Variants in LPL observed in about 807,000 individuals in gnomAD.
LPL encodes phospholipase A1.
Under a neutral mutation model 52.2 loss-of-function variants are expected in LPL, and 43 were observed. The ratio of observed to expected loss-of-function variants is 0.82; its 90% confidence interval spans 0.64 to 1.06. The LOEUF (loss-of-function observed/expected upper bound fraction) is 1.06, where lower values mean the gene tolerates loss of function less well. Among genes scored for constraint, LPL ranks in the 50% least tolerant of loss-of-function variants. The pLI is 0.00. For synonymous variants in LPL, 244 were observed against 215.6 expected (o/e 1.13, Z -1.15); for missense variants, 639 against 585.3 (o/e 1.09, Z -0.95).
intron 1 of LPL, among the ~76,000 whole-genome samples, chr8:19,940,708 T>G (rs936429892): frequency 1.3e-5 from 2 of 152,208 alleles, no homozygotes; most frequent in African/African-American, 4.8e-5. Context: ...GCGGTTCAAG[T>G]TATAATAGAG....
chr8:19,952,606 T>TA (rs1160862045), intron 3 of LPL, among the ~76,000 whole-genome samples: 14 of 152,260 alleles, frequency 9.2e-5, no homozygotes, highest in Admixed American at 2.0e-4. Context: ...TAATTGGAAG[T>TA]AAAAAATAAG....
At chr8:19,960,371 G>A (rs897018848) in intron 7 of LPL, among the ~76,000 whole-genome samples, 1 of 152,136 alleles carries the variant, frequency 6.6e-6, no homozygotes, top group African/African-American at 2.4e-5. Context: ...ATCAATTACA[G>A]TCGTACCTAT....
At chr8:19,943,162 C>T (rs1052867363) in intron 1 of LPL, among the ~76,000 whole-genome samples, 1 of 152,190 alleles carries the variant, frequency 6.6e-6, no homozygotes, top group African/African-American at 2.4e-5. Context: ...ATGTTGAAGT[C>T]TCTTTCTATG....
At chr8:19,952,537 AG>A (rs1262812353) in intron 3 of LPL, among the ~76,000 whole-genome samples, 1 of 152,190 alleles carries the variant, frequency 6.6e-6, no homozygotes, top group Non-Finnish European at 1.5e-5. Flanking sequence ...ACCTCTGAAA[AG>A]TATCTTGGGG....
At chr8:19,956,622 G>C (rs912429131) in intron 6 of LPL, among the ~76,000 whole-genome samples, 1 of 152,042 alleles carries the variant, frequency 6.6e-6, no homozygotes, top group Non-Finnish European at 1.5e-5. Flanking sequence ...CCCTCTGGGA[G>C]GCCCCAGTGT....
chr8:19,941,669 T>C (rs990129393), intron 1 of LPL, among the ~76,000 whole-genome samples: 4 of 152,178 alleles, frequency 2.6e-5, no homozygotes, highest in Non-Finnish European at 5.9e-5. Flanking sequence ...ACTCACCCAA[T>C]ATATCATGCC....
At chr8:19,958,314 G>A (rs2070005593) in intron 6 of LPL, among the ~76,000 whole-genome samples, 1 of 152,090 alleles carries the variant, frequency 6.6e-6, no homozygotes, top group African/African-American at 2.4e-5. Flanking sequence ...GAGCCACCAT[G>A]CCTGGCCTCC....
rs1035200925 is a variant in LPL, at chr8:19,939,847, G to T, written c.88+319G>T. On this transcript the variant is annotated intron_variant, in intron 1 of 9. Coordinates refer to ENST00000650287, the MANE Select transcript of LPL (RefSeq NM_000237.3). The surrounding 1 kb of genome is among the most constrained non-coding windows in gnomAD (Gnocchi z 4.0). ...CGCCGGGGAGGTTCCGGGGTGTGGG[G>T]GCCGGGACGGCGGAGGCGGGGAGTA... 2.6e-5 allele frequency among the ~76,000 whole-genome samples: 4 copies of T among 152,210 alleles called. No homozygotes were observed. Among genetic ancestry groups the T allele is most frequent in the African/African-American group, 9.6e-5 (4 of 41,460 alleles).
At chr8:19,959,777 C>CTTTTTTTTGTTTTTTT (rs2070020944) in intron 7 of LPL, among the ~76,000 whole-genome samples, 1 of 65,098 alleles carries the variant, frequency 1.5e-5, no homozygotes, top group Non-Finnish European at 2.8e-5. Context: ...AGTGTTAGCT[C>CTTTTTTTTGTTTTTTT]TTTTTTTTTT....
Position 19,951,787 on chromosome 8 carries a change from A to G in LPL, c.268A>G (p.Ser90Gly), listed in dbSNP as rs753068328. ...HGWTVTGMYE[S>G]WVPKLVAALY... ...TCTTCAGGTAACAGGAATGTATGAGAGTTGGGTGCCAAAACTTGTGGCCGC... is the reference window on the plus strand; with the variant it reads ...TCTTCAGGTAACAGGAATGTATGAGGGTTGGGTGCCAAAACTTGTGGCCGC... Residue 90 changes from serine (S) to glycine (G), a missense_variant, in exon 3 of 10, where the codon AGT (serine) becomes GGT (glycine). Ser to Gly is a moderately conservative substitution (Grantham distance 56, BLOSUM62 0). Coordinates refer to ENST00000650287, the MANE Select transcript of LPL (RefSeq NM_000237.3). 4.3e-6 allele frequency: 7 copies of G among 1,614,196 alleles called. No individual in the cohort carries two copies. In the South Asian group the frequency reaches 4.4e-5, roughly 10 times the overall value.
At chr8:19,948,584 C>T (rs1303310713) in intron 2 of LPL, 11 of 484,982 alleles carry the variant, frequency 2.3e-5, no homozygotes, top group East Asian at 2.1e-4. Flanking sequence ...GCCAGAGCTT[C>T]CTGCGAGGTT....
intron 3 of LPL, 67 bp downstream of exon 3, chr8:19,952,015 T>G: frequency 1.3e-6 from 2 of 1,546,200 alleles, no homozygotes; most frequent in Non-Finnish European, 1.8e-6. Flanking sequence ...GAAAACCGGC[T>G]GTTCTTTCTT....
chr8:19,955,326 A>C (rs1157507218), intron 5 of LPL, among the ~76,000 whole-genome samples: 1 of 152,164 alleles, frequency 6.6e-6, no homozygotes, highest in African/African-American at 2.4e-5. Context: ...CCAACTTTAC[A>C]ATTGGGCTGT....
Position 19,962,149 on chromosome 8 carries a change from T to G in LPL, c.1357T>G (p.Leu453Val). 1 of 1,613,886 alleles carries G rather than the reference T, an allele frequency of 6.2e-7. No homozygotes were observed. The highest frequency in any genetic ancestry group is 8.5e-7 in the Non-Finnish European group (1 of 1,179,816). The change falls in exon 9 of 10, where the codon TTG becomes GTG. Residue 453 changes from leucine (L) to valine (V), a missense_variant. Physicochemically the swap from Leu to Val is conservative, Grantham distance 32. Transcript: ENST00000650287. ...CTGTTCTAGGGAGAAAGTGTCTCAT[T>G]TGCAGAAAGGAAAGGCACCTGCGGT... is the stretch of plus-strand genomic sequence containing the variant. ...IFCSREKVSHLQKGKAPAVFV... is the reference protein window; with the variant it reads ...IFCSREKVSHVQKGKAPAVFV...
rs767027334 is a variant in LPL at position 19,953,354 on chromosome 8, C to T, written c.474C>T (p.Tyr158=). ...YPLDNVHLLG[Y]SLGAHAAGIA... ...TGGACAATGTCCATCTCTTGGGATA[C>T]AGCCTTGGAGCCCATGCTGCTGGCA... is the stretch of plus-strand genomic sequence containing the variant. Residue 158 remains tyrosine, a synonymous_variant, in exon 4 of 10, where the codon TAC becomes TAT. Coordinates refer to ENST00000650287, the MANE Select transcript of LPL (RefSeq NM_000237.3). 26 of 1,613,854 alleles carry T rather than the reference C, an allele frequency of 1.6e-5. No homozygotes were observed. The South Asian group carries it at 2.0e-4, about 12-fold the overall frequency.
At chr8:19,948,080 A>G (rs2069898895) in intron 1 of LPL, 100 bp from the exon 2 acceptor site, 1 of 1,254,932 alleles carries the variant, frequency 8.0e-7, no homozygotes, top group East Asian at 2.3e-5. Context: ...AAACAAAAAT[A>G]GCATCAGCGG....
At position 19,940,860 on chromosome 8, in the gene LPL, G is replaced by A. The variant is rs553678193; in HGVS notation, c.88+1332G>A. 3.3e-5 allele frequency among the ~76,000 whole-genome samples: 5 copies of A among 152,380 alleles called. No homozygotes were observed. The South Asian group carries it at 1.0e-3, about 32-fold the overall frequency. ...AGTCCCAGCACTTCGGGAGGCCGAG[G>A]CCGGAAGACAGCTTGAGCCCAGAAG... On this transcript the variant is annotated intron_variant, in intron 1 of 9. Coordinates refer to ENST00000650287, the MANE Select transcript of LPL (RefSeq NM_000237.3).
At chr8:19,947,566 G>T (rs2069891944) in intron 1 of LPL, among the ~76,000 whole-genome samples, 1 of 151,976 alleles carries the variant, frequency 6.6e-6, no homozygotes. Context: ...TGAGTTCGAG[G>T]GTGCAGTGAA....
chr8:19,948,024 T>A (rs1380138082), intron 1 of LPL, among the ~76,000 whole-genome samples, 156 bp from the exon 2 acceptor site: 2 of 152,162 alleles, frequency 1.3e-5, no homozygotes, highest in Non-Finnish European at 1.5e-5. Flanking sequence ...CGTTGGAGCA[T>A]CTGTTGTTCT....
Sources: allele counts gnomAD v4.1 joint callset (sites outside exome capture counted in the v4.1 genomes callset), GRCh38; gene constraint gnomAD v4.1.1; non-coding constraint Gnocchi (gnomAD v3.1); transcripts MANE v1.5; gene names NCBI Gene and HGNC (gene_info 2026-07-23, HGNC 2026-07-21).